MCTP2: variants seen among roughly 807,000 people sequenced by gnomAD.
MCTP2 encodes the protein multiple C2 and transmembrane domain containing 2.
In MCTP2, 132 loss-of-function variants were observed where a neutral mutation model predicts 111.6. The ratio of observed to expected loss-of-function variants is 1.18; its 90% CI spans 1.03 to 1.37. MCTP2 has a LOEUF of 1.37. Among genes scored for constraint, MCTP2 ranks in the 40% most tolerant of loss-of-function variants. The pLI, the probability that MCTP2 is intolerant of heterozygous loss-of-function variation, is 0.00. For synonymous variants in MCTP2, 395 were observed against 387.7 expected (o/e 1.02, Z -0.22); for missense variants, 1,183 against 1,067.9 (o/e 1.11, Z -1.50).
At chr15:94,277,193 T>C (rs916698096) in intron 1 of MCTP2, among the ~76,000 whole-genome samples, 2 of 152,160 alleles carry the variant, frequency 1.3e-5, no homozygotes, top group African/African-American at 4.8e-5. Flanking sequence ...TACAAAATTA[T>C]GAGATACCTA....
chr15:94,363,060 T>C (rs894650599), intron 10 of MCTP2, among the ~76,000 whole-genome samples: 3 of 152,290 alleles, frequency 2.0e-5, no homozygotes, highest in Admixed American at 6.5e-5. Flanking sequence ...CTTTCCTACA[T>C]AGGGGAAGAA....
At chr15:94,376,785 T>C (rs1256109656) in intron 12 of MCTP2, among the ~76,000 whole-genome samples, 1 of 152,198 alleles carries the variant, frequency 6.6e-6, no homozygotes, top group Non-Finnish European at 1.5e-5. Flanking sequence ...TTCTATTGAG[T>C]GCTTAAAAAG....
chr15:94,371,670 A>G (rs995686580), intron 12 of MCTP2, among the ~76,000 whole-genome samples: 2 of 152,172 alleles, frequency 1.3e-5, no homozygotes, highest in African/African-American at 4.8e-5. Context: ...GTTTACAACA[A>G]CATCCATATG....
intron 19 of MCTP2, among the ~76,000 whole-genome samples, chr15:94,455,046 T>C (rs1286889226): frequency 6.6e-6 from 1 of 152,188 alleles, no homozygotes; most frequent in Non-Finnish European, 1.5e-5. Context: ...GGTCTCAAAC[T>C]CCCGACCTCA....
At chr15:94,436,097 G>T (rs1261581242) in intron 17 of MCTP2, among the ~76,000 whole-genome samples, 1 of 152,006 alleles carries the variant, frequency 6.6e-6, no homozygotes, top group Admixed American at 6.6e-5. Flanking sequence ...CTGAATGTGG[G>T]GTTTACCTTT....
At chr15:94,335,800 G>A (rs983801489) in intron 4 of MCTP2, among the ~76,000 whole-genome samples, 1 of 152,312 alleles carries the variant, frequency 6.6e-6, no homozygotes, top group South Asian at 2.1e-4. Flanking sequence ...TATGAGCAGA[G>A]CTCCAAGGAA....
intron 1 of MCTP2, among the ~76,000 whole-genome samples, chr15:94,245,218 GTATATATACATA>G (rs1567263214): frequency 7.2e-6 from 1 of 138,550 alleles, no homozygotes; most frequent in Admixed American, 7.3e-5. Flanking sequence ...ATACATATGT[GTATATATACATA>G]TGTATGTATA....
intron 1 of MCTP2, among the ~76,000 whole-genome samples, chr15:94,245,126 A>G (rs975904387): frequency 2.0e-5 from 3 of 149,198 alleles, no homozygotes; most frequent in Non-Finnish European, 4.5e-5. Flanking sequence ...ATATGTATAC[A>G]CATGTGTATA....
chr15:94,314,759 T>C, intron 3 of MCTP2: 1 of 459,440 alleles, frequency 2.2e-6, no homozygotes, highest in Non-Finnish European at 4.4e-6. Context: ...CTCAAAAATT[T>C]AATTGGGCTC....
chr15:94,253,532 A>T (rs979064470), intron 1 of MCTP2, among the ~76,000 whole-genome samples: 1 of 152,144 alleles, frequency 6.6e-6, no homozygotes, highest in Non-Finnish European at 1.5e-5. Flanking sequence ...CACTGGATTA[A>T]TGCATCAACT....
intron 1 of MCTP2, among the ~76,000 whole-genome samples, chr15:94,283,968 A>G (rs2074624610): frequency 6.6e-6 from 1 of 152,200 alleles, no homozygotes; most frequent in African/African-American, 2.4e-5. Context: ...GTCATTTCAG[A>G]TTGGCAAATA....
At chr15:94,314,032 C>T (rs2076268112) in intron 2 of MCTP2, among the ~76,000 whole-genome samples, 1 of 152,182 alleles carries the variant, frequency 6.6e-6, no homozygotes, top group African/African-American at 2.4e-5. Flanking sequence ...TGTGGGTGAA[C>T]TAGGGATGCC....
intron 17 of MCTP2, among the ~76,000 whole-genome samples, chr15:94,439,415 C>T (rs1270628187): frequency 6.6e-6 from 1 of 151,660 alleles, no homozygotes; most frequent in Non-Finnish European, 1.5e-5. Flanking sequence ...GAAAGTGAGA[C>T]TCAAATTTTG....
At chr15:94,373,983 A>G (rs1394977336) in intron 12 of MCTP2, among the ~76,000 whole-genome samples, 2 of 152,222 alleles carry the variant, frequency 1.3e-5, no homozygotes, top group Admixed American at 6.5e-5. Context: ...TCACTCAGCT[A>G]CTGCTAGTCT....
chr15:94,267,869 C>CTTTCTTTTTTTTTTTTTT lies in MCTP2; in HGVS notation c.-65-30329_-65-30328insCTTTTTTTTTTTTTTTTT, dbSNP rs1555443740. 1.3e-3 allele frequency among the ~76,000 whole-genome samples: 99 copies of CTTTCTTTTTTTTTTTTTT among 77,458 alleles called. 4 individuals are homozygous for CTTTCTTTTTTTTTTTTTT. The highest frequency in any genetic ancestry group is 5.0e-3 in the African/African-American group (87 of 17,436). 50.8% of individuals were successfully genotyped at this position (77,458 alleles called of 152,430 possible). A position where few individuals can be genotyped will look rare whatever the true frequency, so the allele number is the denominator to read the frequency against. On this transcript the variant is annotated intron_variant, in intron 1 of 22. Transcript: ENST00000357742. ...GGTCTGGATTACTTTCCTTTTCTTT[C>CTTTCTTTTTTTTTTTTTT]TTTTTTTTTTTTTTGAGACAGAGTC...
chr15:94,233,589 T>G (rs2070341403), intron 1 of MCTP2, among the ~76,000 whole-genome samples: 1 of 152,138 alleles, frequency 6.6e-6, no homozygotes, highest in African/African-American at 2.4e-5. Context: ...TGTGTAAACC[T>G]GTGCTCACAC....
chr15:94,243,307 A>G (rs1397489465), intron 1 of MCTP2, among the ~76,000 whole-genome samples: 5 of 109,032 alleles, frequency 4.6e-5, no homozygotes, highest in African/African-American at 1.3e-4. Flanking sequence ...ATATACATAC[A>G]TACGTATGCG....
intron 12 of MCTP2, among the ~76,000 whole-genome samples, chr15:94,383,559 G>A (rs1203221985): frequency 6.6e-6 from 1 of 152,226 alleles, no homozygotes; most frequent in East Asian, 1.9e-4. Context: ...CACAATCGTA[G>A]CAGAAGGCGA....
Position 94,339,388 on chromosome 15 carries a change from G to A in MCTP2, c.736G>A (p.Val246Ile). The A allele has an allele frequency of 6.2e-7, 1 of 1,611,156 alleles. No homozygotes were observed. Among genetic ancestry groups the A allele is most frequent in the Non-Finnish European group, 8.5e-7 (1 of 1,178,364 alleles). ...KNLNPVWDEI[V>I]VLPIQSLDQK... ...CTTGAACCCAGTATGGGATGAGATA[G>A]TTGTATTGCCAATCCAAAGCCTTGA... is the stretch of plus-strand genomic sequence containing the variant. The change falls in exon 5 of 23, where the codon GTT becomes ATT. Residue 246 changes from valine to isoleucine, a missense_variant. Transcript: ENST00000357742.
Sources: gnomAD v4.1 joint callset for allele counts (sites outside exome capture counted in the v4.1 genomes callset) on GRCh38, gnomAD v4.1.1 for gene constraint, MANE v1.5 for transcripts, NCBI Gene and HGNC (gene_info 2026-07-23, HGNC 2026-07-21) for gene names.